The following PKNOX2 variants were observed in gnomAD, a reference collection of about 807,000 sequenced individuals.
The protein encoded by PKNOX2 is PBX/knotted 1 homeobox 2.
In PKNOX2, 14 loss-of-function variants were observed where a neutral mutation model predicts 53.1. That is an observed-to-expected ratio of 0.26 (90% confidence interval 0.17 to 0.41). The LOEUF is 0.41. PKNOX2 is among the 10% of genes least tolerant of loss of function. The pLI is 1.00. For synonymous variants in PKNOX2, 257 were observed against 242.8 expected (o/e 1.06, Z -0.54); for missense variants, 496 against 602.8 (o/e 0.82, Z 1.85).
intron 2 of PKNOX2, among the ~76,000 whole-genome samples, chr11:125,314,013 A>G (rs148653192): frequency 3.3e-5 from 5 of 152,318 alleles, no homozygotes; most frequent in Non-Finnish European, 4.4e-5. Context: ...CCCAGTAAGC[A>G]CTGGCCATTA....
At chr11:125,395,985 G>A (rs1005231705) in intron 6 of PKNOX2, among the ~76,000 whole-genome samples, 22 of 144,398 alleles carry the variant, frequency 1.5e-4, no homozygotes, top group African/African-American at 4.9e-4. Flanking sequence ...ATGGAGTTGC[G>A]CTCTGTCGCC....
At chr11:125,250,428 A>C (rs1279100590) in intron 2 of PKNOX2, among the ~76,000 whole-genome samples, 1 of 152,154 alleles carries the variant, frequency 6.6e-6, no homozygotes, top group African/African-American at 2.4e-5. Flanking sequence ...GTTTGGAAAC[A>C]AGTCCCAGGC....
intron 4 of PKNOX2, among the ~76,000 whole-genome samples, chr11:125,354,040 T>G (rs1951462462): frequency 6.6e-6 from 1 of 152,170 alleles, no homozygotes. Flanking sequence ...TGCCCACTCT[T>G]TCGGGCTTCT....
At position 125,178,673 on chromosome 11, in the gene PKNOX2, A is replaced by AAG. The variant is rs1591470489; in HGVS notation, c.-201+13897_-201+13898insAG. Among the ~76,000 whole-genome samples, 126 of 54,154 alleles carry AAG rather than the reference A, an allele frequency of 2.3e-3. 4 individuals are homozygous for AAG. Among genetic ancestry groups the AAG allele is most frequent in the East Asian group, 8.8e-3 (14 of 1,582 alleles). 35.5% of individuals were successfully genotyped at this position (54,154 alleles called of 152,430 possible). On this transcript the variant is annotated intron_variant, in intron 1 of 12. Transcript: ENST00000298282. ...AGGAAGGAAGGAAGGAAGGAAGGAAAGAAAGAGAGAGAGAGAGAGAGAGAG... is the reference window on the plus strand; with the variant it reads ...AGGAAGGAAGGAAGGAAGGAAGGAAAAGGAAAGAGAGAGAGAGAGAGAGAGAG...
intron 1 of PKNOX2, among the ~76,000 whole-genome samples, chr11:125,180,903 T>C (rs1956124858): frequency 2.6e-5 from 4 of 152,184 alleles, no homozygotes; most frequent in Admixed American, 2.6e-4. Flanking sequence ...CCACAGGAAA[T>C]GATTATTTAG....
intron 7 of PKNOX2, among the ~76,000 whole-genome samples, chr11:125,406,268 A>G (rs1955090924): frequency 6.6e-6 from 1 of 152,214 alleles, no homozygotes; most frequent in Admixed American, 6.5e-5. Context: ...CCACGGCTCT[A>G]GAGACTAAGC....
chr11:125,370,708 C>T lies in PKNOX2; in HGVS notation c.227+2723C>T, dbSNP rs1024864603. ...CCACATCTCACCCATTAGTACCAGC[C>T]GCCCTCTCTGCAGCCATTGCCCCGG... On this transcript the variant is annotated intron_variant, in intron 5 of 12. Transcript: ENST00000298282. This position sits in a 1 kb window ranked among gnomAD's most constrained non-coding sequence, Gnocchi z 4.1. 2.0e-5 allele frequency among the ~76,000 whole-genome samples: 3 copies of T among 152,260 alleles called. No homozygotes were observed. The highest frequency in any genetic ancestry group is 4.1e-4 in the South Asian group (2 of 4,838).
intron 1 of PKNOX2, among the ~76,000 whole-genome samples, chr11:125,222,997 C>T (rs1321329267): frequency 6.6e-6 from 1 of 152,146 alleles, no homozygotes; most frequent in Non-Finnish European, 1.5e-5. Context: ...CCTGGAACCA[C>T]CAAGAAGGAT....
chr11:125,303,641 C>A (rs1486497765), intron 2 of PKNOX2, among the ~76,000 whole-genome samples: 2 of 152,320 alleles, frequency 1.3e-5, no homozygotes, highest in African/African-American at 4.8e-5. Flanking sequence ...AGGAAACCCA[C>A]CCTTCAACAT....
At chr11:125,252,718 G>A (rs913551775) in intron 2 of PKNOX2, among the ~76,000 whole-genome samples, 3 of 152,136 alleles carry the variant, frequency 2.0e-5, no homozygotes, top group African/African-American at 7.2e-5. Flanking sequence ...CCCGGGCTGC[G>A]AGATGACCAG....
intron 3 of PKNOX2, among the ~76,000 whole-genome samples, chr11:125,338,994 T>C (rs924999278): frequency 2.0e-5 from 3 of 152,358 alleles, no homozygotes; most frequent in Admixed American, 6.5e-5. Flanking sequence ...CCATTCCTAG[T>C]ATTCAAAGAC....
intron 1 of PKNOX2, among the ~76,000 whole-genome samples, chr11:125,217,054 C>A (rs1276578199): frequency 6.6e-6 from 1 of 152,036 alleles, no homozygotes; most frequent in Admixed American, 6.6e-5. Flanking sequence ...CTCACACACA[C>A]ACAAAGTCAC....
rs1052582502 is a variant in PKNOX2 at position 125,422,382 on chromosome 11, C to T, written c.937-6630C>T. The stretch of plus-strand genomic sequence containing the variant: ...TCCCAGAGAAATCTTAGACCTCAGA[C>T]TCCTGCCTGTGGGGTGAGAGTGTTT... On this transcript the variant is annotated intron_variant, in intron 10 of 12. Coordinates refer to ENST00000298282, the MANE Select transcript of PKNOX2 (RefSeq NM_001382323.2). This position sits in a 1 kb window ranked among gnomAD's most constrained non-coding sequence, Gnocchi z 4.1. Among the ~76,000 whole-genome samples the T allele has an allele frequency of 1.3e-5, 2 of 152,196 alleles. No homozygotes were observed. Among genetic ancestry groups the T allele is most frequent in the African/African-American group, 4.8e-5 (2 of 41,436 alleles).
At chr11:125,423,558 A>T (rs1301569996) in intron 10 of PKNOX2, among the ~76,000 whole-genome samples, 1 of 152,178 alleles carries the variant, frequency 6.6e-6, no homozygotes, top group Non-Finnish European at 1.5e-5. Flanking sequence ...CATTCAACAG[A>T]TGCATACTGA....
intron 6 of PKNOX2, among the ~76,000 whole-genome samples, chr11:125,396,093 T>C (rs959072320): frequency 6.6e-6 from 1 of 151,874 alleles, no homozygotes; most frequent in Non-Finnish European, 1.5e-5. Flanking sequence ...AGCTGGGACT[T>C]CAGGCATGCA....
rs866530480 is a variant in PKNOX2 at position 125,411,507 on chromosome 11, T to C, written c.817-239T>C. ...CTCTCTCTCTCTCTCTCTCTCTCTC[T>C]CTCCCCCCCTTCCCCATCTCTTCCT... On this transcript the variant is annotated intron_variant, in intron 9 of 12. Coordinates refer to ENST00000298282, the MANE Select transcript of PKNOX2 (RefSeq NM_001382323.2). 1,777 of 375,038 alleles carry C rather than the reference T, an allele frequency of 4.7e-3. 39 individuals are homozygous for C. The highest frequency in any genetic ancestry group is 5.2e-3 in the Non-Finnish European group (1,049 of 200,368). The allele number at this position is 375,038 out of a possible 1,614,324, so 23.2% of individuals were successfully genotyped here.
At chr11:125,176,378 C>T (rs529636885) in intron 1 of PKNOX2, among the ~76,000 whole-genome samples, 4 of 152,266 alleles carry the variant, frequency 2.6e-5, no homozygotes, top group South Asian at 2.1e-4. Context: ...GGGATATGAC[C>T]GTGAACTAGA....
At chr11:125,402,927 T>C (rs995389291) in intron 7 of PKNOX2, among the ~76,000 whole-genome samples, 2 of 152,156 alleles carry the variant, frequency 1.3e-5, no homozygotes, top group African/African-American at 4.8e-5. Context: ...ATTTTGCCCA[T>C]TGTGATTGGA....
At chr11:125,188,234 T>C (rs1437909617) in intron 1 of PKNOX2, 1 of 152,222 alleles carries the variant, frequency 6.6e-6, no homozygotes, top group East Asian at 1.9e-4. Flanking sequence ...TATCCAGTCA[T>C]TCTCAAGGGG....
Sources: allele counts gnomAD v4.1 joint callset (sites outside exome capture counted in the v4.1 genomes callset), GRCh38; gene constraint gnomAD v4.1.1; non-coding constraint Gnocchi (gnomAD v3.1); transcripts MANE v1.5; gene names NCBI Gene and HGNC (gene_info 2026-07-23, HGNC 2026-07-21).